SLC13A4: variants seen among roughly 807,000 people sequenced by gnomAD.
SLC13A4 encodes solute carrier family 13 member 4.
In SLC13A4, 28 loss-of-function variants were observed where a neutral mutation model predicts 72.7. The ratio of observed to expected loss-of-function variants is 0.39; its 90% CI spans 0.29 to 0.53. The LOEUF (loss-of-function observed/expected upper bound fraction) is 0.53. Among genes scored for constraint, SLC13A4 ranks in the 20% least tolerant of loss-of-function variants. SLC13A4 has a pLI of 0.78. For missense variants in SLC13A4, 653 were observed against 788.0 expected (o/e 0.83, Z 2.05); for synonymous variants, 312 against 325.5 (o/e 0.96, Z 0.45).
intron 13 of SLC13A4, among the ~76,000 whole-genome samples, chr7:135,688,519 AG>A (rs1795691477): frequency 1.3e-5 from 2 of 152,094 alleles, no homozygotes. Context: ...ACCCTCCTTA[AG>A]TGCTGGGATT....
At chr7:135,685,412 G>A (rs1041313370) in intron 14 of SLC13A4, 110 bp downstream of exon 14, 2 of 873,996 alleles carry the variant, frequency 2.3e-6, no homozygotes. Flanking sequence ...AAGGCTGTGG[G>A]CAGTAACCAG....
chr7:135,681,827 G>C, intron 15 of SLC13A4, 127 bp from the exon 16 acceptor site: 1 of 1,289,268 alleles, frequency 7.8e-7, no homozygotes, highest in Non-Finnish European at 1.1e-6. Context: ...TGCCTGGGGT[G>C]CTCTAGCATT....
intron 8 of SLC13A4, among the ~76,000 whole-genome samples, chr7:135,698,782 G>A (rs1795963007): frequency 6.6e-6 from 1 of 151,626 alleles, no homozygotes; most frequent in Admixed American, 6.6e-5. Context: ...TTACAGGTGT[G>A]CACCACCACA....
Position 135,681,637 on chromosome 7 carries a change from A to G in SLC13A4, c.1810T>C (p.Trp604Arg). Residue 604 changes from tryptophan (W) to arginine (R), a missense_variant, in exon 16 of 16, where the codon TGG (tryptophan) becomes CGG (arginine). Coordinates refer to ENST00000682651, the MANE Select transcript of SLC13A4 (RefSeq NM_001318192.2). ...TCCAGGTGGAAGAGGCTAACTCCCC[A>G]GGTGTTGATGGCCACCATTACTATC... is the stretch of plus-strand genomic sequence containing the variant. ...LVIVMVAINT[W>R]GVSLFHLDTY... 6.2e-7 allele frequency: 1 copy of G among 1,614,122 alleles called. No homozygotes were observed.
rs141643096 is a variant in SLC13A4, at chr7:135,684,254, G to A, written c.1616C>T (p.Thr539Met). 9.0e-5 allele frequency: 144 copies of A among 1,604,264 alleles called. 1 individual carries two copies. The Middle Eastern group carries it at 1.5e-3, about 17-fold the overall frequency. The stretch of plus-strand genomic sequence containing the variant: ...GGTGTAGAGGGGGTTAATGTGCAGC[G>A]TTTCAGACTAGAAGAGAGAATTCAC... ...FLPILCSLSE[T>M]LHINPLYTLI... Residue 539 changes from threonine to methionine, a missense_variant, in exon 15 of 16, where the codon ACG (threonine) becomes ATG (methionine). Physicochemically the swap from Thr to Met is moderately conservative, Grantham distance 81. Transcript: ENST00000682651.
In SLC13A4 at chr7:135,708,170, G is replaced by C; in HGVS notation, c.309C>G (p.Asn103Lys). The C allele has an allele frequency of 6.2e-7, 1 of 1,614,208 alleles. No homozygotes were observed. The highest frequency in any genetic ancestry group is 1.7e-5 in the Admixed American group (1 of 60,018). The change falls in exon 3 of 16, where the codon AAC becomes AAG. Residue 103 changes from asparagine (N) to lysine (K), a missense_variant. Physicochemically the swap from Asn to Lys is moderately conservative, Grantham distance 94. Transcript: ENST00000682651. Reference protein sequence around the residue: ...ICVAAAVEKWNLHKRIALRMV... With the variant: ...ICVAAAVEKWKLHKRIALRMV... ...TGCGCAGAGCAATGCGCTTATGCAG[G>C]TTCCACTTCTCCACGGCAGCCGCCA...
chr7:135,681,827 G>A (rs1371677067), intron 15 of SLC13A4, 127 bp from the exon 16 acceptor site: 12 of 1,289,148 alleles, frequency 9.3e-6, no homozygotes, highest in Non-Finnish European at 1.3e-5. Context: ...TGCCTGGGGT[G>A]CTCTAGCATT....
intron 8 of SLC13A4, among the ~76,000 whole-genome samples, chr7:135,697,667 CT>C (rs1181678876): frequency 1.4e-5 from 2 of 147,228 alleles, no homozygotes; most frequent in Non-Finnish European, 3.0e-5. Flanking sequence ...GCTTAAAATT[CT>C]TTAAAAGCAT....
In SLC13A4 at chr7:135,684,074, C is replaced by A. The variant is rs1234370898; in HGVS notation, c.1746+50G>T. 79 of 1,542,852 alleles carry A rather than the reference C, an allele frequency of 5.1e-5. No homozygotes were observed. In the East Asian group the frequency reaches 1.8e-3, roughly 35 times the overall value. On this transcript the variant is annotated intron_variant, in intron 15 of 15. Coordinates refer to ENST00000682651, the MANE Select transcript of SLC13A4 (RefSeq NM_001318192.2). ...GAAAGAAGGCTGCAGAGCTGTCATC[C>A]CTGTCCTCATGGCAGCTGGGCCTGG...
At chr7:135,719,977 AAGAG>A (rs1796513491) in intron 2 of SLC13A4, among the ~76,000 whole-genome samples, 1 of 136,142 alleles carries the variant, frequency 7.3e-6, no homozygotes, top group African/African-American at 2.8e-5. Context: ...GAGAGAGAGA[AAGAG>A]AGAGAAAGAA....
At chr7:135,719,813 G>GTGTGTGTATGTGTGTA (rs1796507059) in intron 2 of SLC13A4, among the ~76,000 whole-genome samples, 1 of 146,426 alleles carries the variant, frequency 6.8e-6, no homozygotes, top group African/African-American at 2.7e-5. Context: ...ATGTGTGTGT[G>GTGTGTGTATGTGTGTA]TGTGTGTGTG....
chr7:135,715,414 TGTATGA>T (rs1245782616), intron 2 of SLC13A4, among the ~76,000 whole-genome samples: 9 of 99,344 alleles, frequency 9.1e-5, no homozygotes, highest in African/African-American at 3.5e-4. Flanking sequence ...TATGAGTGTG[TGTATGA>T]GTGTGTGAGC....
intron 1 of SLC13A4, 63 bp downstream of exon 1, chr7:135,727,335 G>A (rs1796684841): frequency 1.3e-6 from 2 of 1,528,266 alleles, no homozygotes; most frequent in Admixed American, 2.0e-5. Flanking sequence ...TTCCCCTACC[G>A]ACCTCCCCTC....
chr7:135,698,932 C>CT (rs887888937), intron 8 of SLC13A4, among the ~76,000 whole-genome samples: 13 of 151,950 alleles, frequency 8.6e-5, no homozygotes, highest in East Asian at 7.8e-4. Context: ...TGCGCCCGGC[C>CT]TTTTTTTTGT....
At chr7:135,698,930 G>A (rs1049517212) in intron 8 of SLC13A4, among the ~76,000 whole-genome samples, 1 of 152,110 alleles carries the variant, frequency 6.6e-6, no homozygotes, top group Non-Finnish European at 1.5e-5. Flanking sequence ...ACTGCGCCCG[G>A]CCTTTTTTTT....
At chr7:135,711,962 GA>G (rs1345139006) in intron 2 of SLC13A4, among the ~76,000 whole-genome samples, 12 of 59,618 alleles carry the variant, frequency 2.0e-4, no homozygotes, top group African/African-American at 6.4e-4. Context: ...AATGTTTTTG[GA>G]TTTTTTTTTT....
At chr7:135,686,563 T>A (rs1057297504) in intron 13 of SLC13A4, among the ~76,000 whole-genome samples, 2 of 151,848 alleles carry the variant, frequency 1.3e-5, no homozygotes, top group Non-Finnish European at 2.9e-5. Context: ...AGAGACAGAG[T>A]CTTTCCATGT....
chr7:135,694,770 A>C (rs943244823), intron 9 of SLC13A4, among the ~76,000 whole-genome samples: 12 of 152,212 alleles, frequency 7.9e-5, no homozygotes, highest in African/African-American at 2.9e-4. Context: ...CATTGGTTTG[A>C]CAACAGTCTG....
At chr7:135,715,384 T>TGG (rs1042344108) in intron 2 of SLC13A4, among the ~76,000 whole-genome samples, 127 of 149,120 alleles carry the variant, frequency 8.5e-4, no homozygotes, top group Non-Finnish European at 8.1e-4. Context: ...TGTGTGAGTG[T>TGG]GTATGTGTGA....
Sources: allele counts gnomAD v4.1 joint callset (sites outside exome capture counted in the v4.1 genomes callset), GRCh38; gene constraint gnomAD v4.1.1; transcripts MANE v1.5; gene names NCBI Gene and HGNC (gene_info 2026-07-23, HGNC 2026-07-21).